UMAD1: variants seen among roughly 807,000 people sequenced by gnomAD.
UMAD1 encodes the protein UBAP1-MVB12-associated (UMA) domain containing 1.
In UMAD1, 8 loss-of-function variants were observed where a neutral mutation model predicts 6.1. The ratio of observed to expected loss-of-function variants is 1.30; its 90% CI spans 0.76 to 2.35. The LOEUF is 2.35. Among genes scored for constraint, UMAD1 ranks in the 30% most tolerant of loss-of-function variants. The pLI, the probability that UMAD1 is intolerant of heterozygous loss-of-function variation, is 0.00. For synonymous variants in UMAD1, 56 were observed against 31.4 expected, an observed-to-expected ratio of 1.78 and a Z score of -2.61; for missense variants, 130 against 78.4, an observed-to-expected ratio of 1.66 and a Z score of -2.49.
intron 2 of UMAD1, among the ~76,000 whole-genome samples, chr7:7,771,611 C>A (rs1782103186): frequency 6.6e-6 from 1 of 152,122 alleles, no homozygotes; most frequent in African/African-American, 2.4e-5. Flanking sequence ...TTGCAACCCT[C>A]CAGTGATGAG....
At chr7:7,759,632 A>G (rs1483530609) in intron 2 of UMAD1, among the ~76,000 whole-genome samples, 2 of 152,236 alleles carry the variant, frequency 1.3e-5, no homozygotes, top group Non-Finnish European at 2.9e-5. Context: ...CTGAAACGAG[A>G]TTAAAACTGA....
At chr7:7,845,824 A>G (rs1432982272) in intron 3 of UMAD1, among the ~76,000 whole-genome samples, 2 of 152,154 alleles carry the variant, frequency 1.3e-5, no homozygotes, top group African/African-American at 4.8e-5. Context: ...TATGTCATAA[A>G]TTACAAATTT....
chr7:7,827,133 A>ATGTGTG (rs1354412548), intron 3 of UMAD1, among the ~76,000 whole-genome samples: 69 of 89,242 alleles, frequency 7.7e-4, no homozygotes, highest in African/African-American at 1.9e-3. Context: ...ATATATATAT[A>ATGTGTG]TATATATATA....
intron 2 of UMAD1, among the ~76,000 whole-genome samples, chr7:7,782,727 CCT>C (rs1216124500): frequency 1.3e-4 from 19 of 149,214 alleles, no homozygotes; most frequent in Non-Finnish European, 7.4e-5. Flanking sequence ...TTGTGTATAA[CCT>C]CTCTCTTTTT....
chr7:7,802,046 A>G (rs1186858544), intron 3 of UMAD1, among the ~76,000 whole-genome samples: 1 of 152,266 alleles, frequency 6.6e-6, no homozygotes, highest in East Asian at 1.9e-4. Context: ...ATATATTTCA[A>G]TAAATAGGCA....
intron 2 of UMAD1, among the ~76,000 whole-genome samples, chr7:7,714,022 C>T (rs569595865): frequency 6.6e-6 from 1 of 152,240 alleles, no homozygotes; most frequent in East Asian, 1.9e-4. Context: ...ATCGTCAATA[C>T]TTCTTTGTTG....
intron 2 of UMAD1, among the ~76,000 whole-genome samples, chr7:7,705,142 A>G (rs140291414): frequency 5.9e-5 from 9 of 152,300 alleles, no homozygotes; most frequent in Admixed American, 3.9e-4. Flanking sequence ...TGAACTTTTT[A>G]TGCAATGATG....
In UMAD1 at chr7:7,769,287, A is replaced by G. The variant is rs985885603; in HGVS notation, c.83-32383A>G. Among the ~76,000 whole-genome samples, 8 of 152,330 alleles carry G rather than the reference A, an allele frequency of 5.3e-5. No homozygotes were observed. In the East Asian group the frequency reaches 9.6e-4, roughly 18 times the overall value. ...GGGAGACTAAGTAGCTTTAACTTCC[A>G]TAAAAATCTCAAAAATAATTGCCCT... On this transcript the variant is annotated intron_variant, in intron 2 of 3. Transcript: ENST00000682710.
intron 3 of UMAD1, among the ~76,000 whole-genome samples, chr7:7,818,993 A>G (rs11772203): frequency 0.7 from 105,465 of 151,628 alleles, 37,047 homozygotes; most frequent in Non-Finnish European, 0.75. Flanking sequence ...GGGATTGCAG[A>G]TGCATGCCAC....
At chr7:7,803,412 C>G (rs1035396289) in intron 3 of UMAD1, among the ~76,000 whole-genome samples, 2 of 152,180 alleles carry the variant, frequency 1.3e-5, no homozygotes, top group African/African-American at 4.8e-5. Context: ...GAATTCAAGG[C>G]TCCCAGCCTG....
chr7:7,787,654 C>T (rs141705848), intron 2 of UMAD1, among the ~76,000 whole-genome samples: 5 of 152,288 alleles, frequency 3.3e-5, no homozygotes, highest in African/African-American at 1.2e-4. Flanking sequence ...GTCTTGTCTA[C>T]AGAATACCAG....
intron 2 of UMAD1, among the ~76,000 whole-genome samples, chr7:7,730,590 G>T (rs554464009): frequency 6.6e-6 from 1 of 152,254 alleles, no homozygotes; most frequent in South Asian, 2.1e-4. Context: ...CCCTTCAAAA[G>T]GTACACTAGG....
intron 3 of UMAD1, among the ~76,000 whole-genome samples, chr7:7,872,593 C>G (rs1427098636): frequency 6.6e-6 from 1 of 152,216 alleles, no homozygotes; most frequent in Non-Finnish European, 1.5e-5. Context: ...CATAGACACA[C>G]AAAGTGAGCA....
chr7:7,837,671 GAAAA>G (rs1410543002), intron 3 of UMAD1, among the ~76,000 whole-genome samples: 5 of 151,662 alleles, frequency 3.3e-5, no homozygotes, highest in African/African-American at 7.3e-5. Context: ...AAAAAGAAGA[GAAAA>G]AGAAAGGGAG....
intron 2 of UMAD1, among the ~76,000 whole-genome samples, chr7:7,686,786 T>G (rs1291099419): frequency 6.6e-6 from 1 of 152,210 alleles, no homozygotes; most frequent in Non-Finnish European, 1.5e-5. Flanking sequence ...GGTGTGAAGA[T>G]TATGATGAAG....
At chr7:7,652,046 C>G (rs1785233744) in intron 1 of UMAD1, among the ~76,000 whole-genome samples, 1 of 152,132 alleles carries the variant, frequency 6.6e-6, no homozygotes, top group African/African-American at 2.4e-5. Context: ...GGGAGGAAAT[C>G]TAGTCCTGTA....
intron 3 of UMAD1, among the ~76,000 whole-genome samples, chr7:7,846,408 C>T (rs6952663): frequency 0.31 from 46,719 of 151,928 alleles, 9,217 homozygotes; most frequent in African/African-American, 0.55. Flanking sequence ...TCCATAGATA[C>T]GTAAAAATTT....
chr7:7,806,798 CTAAT>C (rs1554331258), intron 3 of UMAD1, among the ~76,000 whole-genome samples: 1 of 152,088 alleles, frequency 6.6e-6, no homozygotes, highest in African/African-American at 2.4e-5. Context: ...TGGAAAGCCT[CTAAT>C]TATTTTAATT....
chr7:7,698,411 G>A lies in UMAD1; in HGVS notation c.82+24958G>A, dbSNP rs148498194. 7.9e-5 allele frequency among the ~76,000 whole-genome samples: 12 copies of A among 152,322 alleles called. No individual in the cohort carries two copies. In the East Asian group the frequency reaches 2.1e-3, roughly 27 times the overall value. On this transcript the variant is annotated intron_variant, in intron 2 of 3. Coordinates refer to ENST00000682710, the MANE Select transcript of UMAD1 (RefSeq NM_001302348.2). ...AACTGGTAGAAGTTTTGATTGAGAA[G>A]TAGCTGTAAGTTGACTTTCAGTGTT...
Sources: gnomAD v4.1 joint callset for allele counts (sites outside exome capture counted in the v4.1 genomes callset) on GRCh38, gnomAD v4.1.1 for gene constraint, MANE v1.5 for transcripts, NCBI Gene and HGNC (gene_info 2026-07-23, HGNC 2026-07-21) for gene names.